Variants in NCKAP5 observed in about 807,000 individuals in gnomAD.
NCKAP5 encodes the protein nck-associated protein 5.
A neutral mutation model predicts 167.0 loss-of-function variants in NCKAP5; 92 were observed. The observed-to-expected ratio is 0.55, with a 90% CI of 0.47 to 0.66. NCKAP5 has a LOEUF of 0.66. NCKAP5 is among the 30% of genes least tolerant of loss of function. The pLI is 0.00. For synonymous variants in NCKAP5, 891 were observed against 877.4 expected (o/e 1.02, Z -0.27); for missense variants, 2,378 against 2,315.0 (o/e 1.03, Z -0.56).
At chr2:133,583,467 G>A in the NCKAP5 span, among the ~76,000 whole-genome samples, 4,863 of 134,454 alleles carry the variant, frequency 0.036, 149 homozygotes, top group East Asian at 0.21. Flanking sequence ...TGCCAGCACC[G>A]TGGATTCCTG....
In NCKAP5 at chr2:133,086,581, G is replaced by A. The variant is rs923017743; in HGVS notation, c.341+43397C>T. Reference sequence around the variant, plus strand: ...CGCCTGAGCCTAGGAATTCAATGCTGCAGAGAGCTATGATCATGCCACTGC... The same window carrying A: ...CGCCTGAGCCTAGGAATTCAATGCTACAGAGAGCTATGATCATGCCACTGC... On this transcript the variant is annotated intron_variant, in intron 6 of 19. Coordinates refer to ENST00000409261, the MANE Select transcript of NCKAP5 (RefSeq NM_207363.3). Among the ~76,000 whole-genome samples, 3 of 152,090 alleles carry A rather than the reference G, an allele frequency of 2.0e-5. No homozygotes were observed. The South Asian group carries it at 6.2e-4, about 31-fold the overall frequency.
At chr2:133,168,752 G>A (rs16857915) in intron 5 of NCKAP5, among the ~76,000 whole-genome samples, 2,703 of 152,042 alleles carry the variant, frequency 0.018, 83 homozygotes, top group African/African-American at 0.061. Context: ...TTTAAAATTC[G>A]CTTCAATCCA....
intron 3 of NCKAP5, among the ~76,000 whole-genome samples, chr2:133,379,998 G>A (rs1407840229): frequency 6.6e-6 from 1 of 152,132 alleles, no homozygotes; most frequent in African/African-American, 2.4e-5. Flanking sequence ...AAAGCAAATT[G>A]CAGAAATATG....
the NCKAP5 span, among the ~76,000 whole-genome samples, chr2:133,634,306 GCTGTT>G: frequency 3.8e-4 from 58 of 152,270 alleles, no homozygotes; most frequent in Middle Eastern, 3.4e-3. Context: ...GTAACAAAGG[GCTGTT>G]TAACTCAACA....
intron 3 of NCKAP5, among the ~76,000 whole-genome samples, chr2:133,349,165 G>A (rs1490551291): frequency 6.6e-6 from 1 of 152,214 alleles, no homozygotes; most frequent in South Asian, 2.1e-4. Context: ...TAAATTCAAG[G>A]CCTATATTCC....
intron 4 of NCKAP5, among the ~76,000 whole-genome samples, chr2:133,300,401 C>G (rs1574641405): frequency 3.4e-5 from 4 of 119,044 alleles, no homozygotes; most frequent in Admixed American, 3.2e-4. Flanking sequence ...CAAACCGAAT[C>G]CAGCAGCACA....
At chr2:133,294,801 C>T (rs1454941266) in intron 4 of NCKAP5, among the ~76,000 whole-genome samples, 3 of 152,046 alleles carry the variant, frequency 2.0e-5, no homozygotes, top group Non-Finnish European at 4.4e-5. Context: ...CACATGCAAG[C>T]CAGAAAGGAA....
intron 7 of NCKAP5, among the ~76,000 whole-genome samples, chr2:132,983,233 C>A (rs771599666): frequency 6.6e-6 from 1 of 152,118 alleles, no homozygotes; most frequent in Non-Finnish European, 1.5e-5. Flanking sequence ...TTCCTAGGTA[C>A]AGAAGCATAT....
rs536255191 is a variant in NCKAP5, at chr2:133,440,846, G to A, written c.69+76612C>T. Among the ~76,000 whole-genome samples, 129 of 152,022 alleles carry A rather than the reference G, an allele frequency of 8.5e-4. 1 individual carries two copies. The highest frequency in any genetic ancestry group is 1.4e-3 in the Non-Finnish European group (95 of 67,986). ...CAATTCTAAGCCTTCCAGTTGCAAG[G>A]GTTAAATGACTGAATACATATAAAT... On this transcript the variant is annotated intron_variant, in intron 3 of 19. Transcript: ENST00000409261.
At chr2:133,421,230 A>G (rs1333556749) in intron 3 of NCKAP5, among the ~76,000 whole-genome samples, 1 of 152,072 alleles carries the variant, frequency 6.6e-6, no homozygotes, top group African/African-American at 2.4e-5. Context: ...AGCTAAAAAC[A>G]TTGTCTAATG....
chr2:132,845,165 T>A (rs910852319), intron 11 of NCKAP5, among the ~76,000 whole-genome samples: 1 of 152,140 alleles, frequency 6.6e-6, no homozygotes, highest in Non-Finnish European at 1.5e-5. Context: ...TTTTAACTCA[T>A]AAGAAATTCT....
chr2:133,360,916 A>C (rs1381629080), intron 3 of NCKAP5, among the ~76,000 whole-genome samples: 6 of 151,646 alleles, frequency 4.0e-5, no homozygotes, highest in African/African-American at 1.2e-4. Flanking sequence ...TGGAACCAAT[A>C]CATGGTTTGA....
chr2:133,411,768 A>T (rs551067088), intron 3 of NCKAP5, among the ~76,000 whole-genome samples: 7 of 152,358 alleles, frequency 4.6e-5, no homozygotes, highest in African/African-American at 1.7e-4. Flanking sequence ...CACAAGCCCA[A>T]CAGTGTGGAA....
chr2:133,611,575 T>A, the NCKAP5 span, among the ~76,000 whole-genome samples: 1 of 152,174 alleles, frequency 6.6e-6, no homozygotes, highest in African/African-American at 2.4e-5. Context: ...GTCTATTTTT[T>A]AATCTTCATT....
intron 19 of NCKAP5, among the ~76,000 whole-genome samples, chr2:132,702,862 G>A (rs1038355272): frequency 1.3e-5 from 2 of 152,222 alleles, no homozygotes; most frequent in Middle Eastern, 3.4e-3. Context: ...TATAATCTGA[G>A]TCTGTTATCA....
intron 6 of NCKAP5, among the ~76,000 whole-genome samples, chr2:133,012,821 A>T (rs1186615094): frequency 6.6e-6 from 1 of 151,788 alleles, no homozygotes; most frequent in African/African-American, 2.4e-5. Context: ...TTTCCTTCAG[A>T]TTTCCAAACC....
At chr2:133,300,581 C>T (rs76617071) in intron 4 of NCKAP5, among the ~76,000 whole-genome samples, 472 of 138,596 alleles carry the variant, frequency 3.4e-3, no homozygotes, top group Non-Finnish European at 5.3e-3. Context: ...TTCAACAACC[C>T]TTCATGCTAA....
At chr2:133,402,135 G>A (rs1688142438) in intron 3 of NCKAP5, among the ~76,000 whole-genome samples, 1 of 152,086 alleles carries the variant, frequency 6.6e-6, no homozygotes, top group South Asian at 2.1e-4. Flanking sequence ...TTGGATTATT[G>A]GTGGAAAAGA....
intron 19 of NCKAP5, among the ~76,000 whole-genome samples, chr2:132,696,276 T>C (rs1411382698): frequency 1.3e-5 from 2 of 152,244 alleles, no homozygotes; most frequent in African/African-American, 4.8e-5. Flanking sequence ...CCAGTCCTCA[T>C]GAGCTGGAGC....
Sources: allele counts gnomAD v4.1 joint callset (sites outside exome capture counted in the v4.1 genomes callset), GRCh38; gene constraint gnomAD v4.1.1; transcripts MANE v1.5; gene names NCBI Gene and HGNC (gene_info 2026-07-23, HGNC 2026-07-21).